DSC1: variants seen among roughly 807,000 people sequenced by gnomAD.
The protein encoded by DSC1 is desmocollin-1.
In DSC1, 79 loss-of-function variants were observed where a neutral mutation model predicts 98.8. The ratio of observed to expected loss-of-function variants is 0.80; its 90% confidence interval spans 0.67 to 0.96. The LOEUF is 0.96. DSC1 is among the 50% of genes least tolerant of loss of function. DSC1 has a pLI of 0.00. For missense variants in DSC1, 1,115 were observed against 1,075.9 expected (o/e 1.04, Z -0.51); for synonymous variants, 405 against 372.1 (o/e 1.09, Z -1.02).
At position 31,132,706 on chromosome 18, in the gene DSC1, A is replaced by G. The variant is rs367575715; in HGVS notation, c.2117-17T>C. The G allele has an allele frequency of 1.1e-5, 18 of 1,605,402 alleles. No individual in the cohort carries two copies. The highest frequency in any genetic ancestry group is 8.0e-5 in the African/African-American group (6 of 74,696). ...ACAGAATACCTAAAAAGCAAAAAAG[A>G]TCAAAGTAAAACACAGACATTAAAT... On this transcript the variant is annotated splice_polypyrimidine_tract_variant and intron_variant, in intron 13 of 15. Coordinates refer to ENST00000257198, the MANE Select transcript of DSC1 (RefSeq NM_024421.2).
intron 14 of DSC1, chr18:31,132,339 C>A: frequency 2.2e-6 from 1 of 456,614 alleles, no homozygotes; most frequent in Non-Finnish European, 3.8e-6. Context: ...GTCTCCAGAT[C>A]TGTGAAACAA....
intron 7 of DSC1, among the ~76,000 whole-genome samples, chr18:31,145,028 C>T (rs1460143220): frequency 2.0e-5 from 3 of 151,408 alleles, no homozygotes; most frequent in Non-Finnish European, 2.9e-5. Context: ...CAAGCTCCGC[C>T]TCCCGGGTTC....
At chr18:31,143,411 T>G (rs1358843652) in intron 8 of DSC1, among the ~76,000 whole-genome samples, 4 of 151,428 alleles carry the variant, frequency 2.6e-5, no homozygotes, top group African/African-American at 9.7e-5. Flanking sequence ...GTTTAACACA[T>G]GAGCTACGTC....
At chr18:31,131,534 C>G (rs1988487701) in intron 15 of DSC1, 60 bp downstream of exon 15, 5 of 1,589,750 alleles carry the variant, frequency 3.1e-6, no homozygotes, top group Non-Finnish European at 4.3e-6. Context: ...TTGGGAAATT[C>G]TGATTTATAA....
chr18:31,156,394 G>A (rs370450583), intron 3 of DSC1, among the ~76,000 whole-genome samples: 3 of 152,094 alleles, frequency 2.0e-5, no homozygotes, highest in African/African-American at 7.2e-5. Flanking sequence ...AATGTATAGG[G>A]CATTTGGAAA....
chr18:31,130,859 G>T (rs759398457), intron 15 of DSC1, 148 bp from the exon 16 acceptor site: 2 of 1,601,338 alleles, frequency 1.2e-6, no homozygotes, highest in African/African-American at 2.7e-5. Flanking sequence ...AAAATGCACA[G>T]GATTGGTCTG....
Position 31,139,809 on chromosome 18 carries a change from A to G in DSC1, c.1602T>C (p.Asp534=), listed in dbSNP as rs778960561. 2.5e-6 allele frequency: 4 copies of G among 1,612,504 alleles called. No homozygotes were observed. Among genetic ancestry groups the G allele is most frequent in the Non-Finnish European group, 3.4e-6 (4 of 1,179,472 alleles). The change falls in exon 11 of 16, where the codon GAT becomes GAC. Residue 534 remains aspartate, a synonymous_variant. Transcript: ENST00000257198. ...TGTTTTTTACAAATTTGGATTCTCT[A>G]TCTAGTACTTTTAGAGTTCTCAAGT... is the stretch of plus-strand genomic sequence containing the variant. The part of the protein sequence containing the change: ...TGDLRTLKVL[D]RESKFVKNNQ...
At chr18:31,161,520 A>G (rs548310379) in intron 1 of DSC1, among the ~76,000 whole-genome samples, 4 of 152,240 alleles carry the variant, frequency 2.6e-5, no homozygotes, top group Non-Finnish European at 4.4e-5. Flanking sequence ...TTCATTAAAT[A>G]CTATTCCCGT....
intron 1 of DSC1, among the ~76,000 whole-genome samples, chr18:31,160,302 G>A (rs1041229463): frequency 5.3e-4 from 80 of 152,198 alleles, no homozygotes; most frequent in African/African-American, 1.8e-3. Context: ...GGCATTTTCT[G>A]TTTGTTCCTC....
chr18:31,146,700 A>G (rs1482232500), intron 6 of DSC1, among the ~76,000 whole-genome samples: 3 of 152,336 alleles, frequency 2.0e-5, no homozygotes, highest in Non-Finnish European at 2.9e-5. Flanking sequence ...TTACATTCTC[A>G]CCAATGGCAT....
intron 1 of DSC1, among the ~76,000 whole-genome samples, chr18:31,160,872 A>G (rs1989195662): frequency 6.6e-6 from 1 of 152,126 alleles, no homozygotes; most frequent in Non-Finnish European, 1.5e-5. Context: ...ATACCTATAT[A>G]TGTATGTGTA....
At position 31,140,114 on chromosome 18, in the gene DSC1, C is replaced by T. The variant is rs769086731; in HGVS notation, c.1448G>A (p.Gly483Asp). The stretch of plus-strand genomic sequence containing the variant: ...AAGGAGTTCTTGGCCAGCTGGGAAG[C>T]CATCTTGACTCTGAATAACTTTCAC... ...PPVKVIQSQD[G>D]FPAGQELLGY... is the part of the protein sequence containing the mutation. The change falls in exon 10 of 16, where the codon GGC (glycine) becomes GAC (aspartate). Residue 483 changes from glycine to aspartate, a missense_variant. Physicochemically the swap from Gly to Asp is moderately conservative, Grantham distance 94. Coordinates refer to ENST00000257198, the MANE Select transcript of DSC1 (RefSeq NM_024421.2). The T allele has an allele frequency of 1.4e-5, 22 of 1,613,892 alleles. No homozygotes were observed. In the South Asian group the frequency reaches 2.0e-4, roughly 14 times the overall value.
At chr18:31,159,616 T>G in intron 1 of DSC1, 87 bp from the exon 2 acceptor site, 1 of 1,253,798 alleles carries the variant, frequency 8.0e-7, no homozygotes, top group Non-Finnish European at 1.1e-6. Flanking sequence ...ATAAAAATAT[T>G]GTCAATTTTG....
intron 2 of DSC1, 70 bp from the exon 3 acceptor site, chr18:31,157,643 A>T (rs879071229): frequency 9.7e-6 from 15 of 1,550,850 alleles, no homozygotes; most frequent in South Asian, 7.8e-5. Context: ...CAGGAATGAC[A>T]GCCGTGAGTT....
rs1171527892 is a variant in DSC1 at position 31,140,305 on chromosome 18, T to G, written c.1261-4A>C. On this transcript the variant is annotated splice_polypyrimidine_tract_variant and splice_region_variant and intron_variant, in intron 9 of 15. Coordinates refer to ENST00000257198, the MANE Select transcript of DSC1 (RefSeq NM_024421.2). ...GATTGACTTCATAGTTCAATGGCTG[T>G]TAAATAAGCATACTTTAATAAGTCA... 9.9e-6 allele frequency: 16 copies of G among 1,613,414 alleles called. No homozygotes were observed. The highest frequency in any genetic ancestry group is 1.6e-4 in the Middle Eastern group (1 of 6,076).
intron 5 of DSC1, 86 bp from the exon 6 acceptor site, chr18:31,148,728 A>G (rs986987804): frequency 2.1e-5 from 27 of 1,279,068 alleles, no homozygotes; most frequent in Non-Finnish European, 2.7e-5. Flanking sequence ...AAAATGTAAC[A>G]TTAAAAAAAA....
intron 1 of DSC1, among the ~76,000 whole-genome samples, chr18:31,160,831 C>T (rs567605696): frequency 3.9e-5 from 6 of 152,190 alleles, no homozygotes; most frequent in African/African-American, 1.2e-4. Flanking sequence ...CATATGTACA[C>T]ATACATATGC....
At chr18:31,162,319 G>A (rs558616476) in intron 1 of DSC1, among the ~76,000 whole-genome samples, 3 of 152,242 alleles carry the variant, frequency 2.0e-5, no homozygotes, top group Non-Finnish European at 4.4e-5. Flanking sequence ...TAACACTCTG[G>A]CAGTGGGTGC....
intron 13 of DSC1, 120 bp downstream of exon 13, chr18:31,133,771 C>A: frequency 5.9e-6 from 6 of 1,014,192 alleles, no homozygotes; most frequent in Non-Finnish European, 6.9e-6. Flanking sequence ...AAAATAGATA[C>A]AATATTTTTA....
Sources: gnomAD v4.1 joint callset for allele counts (sites outside exome capture counted in the v4.1 genomes callset) on GRCh38, gnomAD v4.1.1 for gene constraint, MANE v1.5 for transcripts, NCBI Gene and HGNC (gene_info 2026-07-23, HGNC 2026-07-21) for gene names.